Variants in CPEB1 observed in about 807,000 individuals in gnomAD.
CPEB1 encodes cytoplasmic polyadenylation element-binding protein 1.
CPEB1 carries 7 observed loss-of-function variants against 65.8 expected under a neutral mutation model. The ratio of observed to expected loss-of-function variants is 0.11; its 90% CI spans 0.06 to 0.20. The LOEUF is 0.20. Ranked by LOEUF, CPEB1 falls within the 10% of genes least tolerant of loss-of-function variation. The pLI, the probability that CPEB1 is intolerant of heterozygous loss-of-function variation, is 1.00. For synonymous variants in CPEB1, 262 were observed against 260.0 expected, an observed-to-expected ratio of 1.01 and a Z score of -0.08; for missense variants, 551 against 712.2, an observed-to-expected ratio of 0.77 and a Z score of 2.58.
chr15:82,616,635 C>T (rs2044742171), intron 3 of CPEB1, among the ~76,000 whole-genome samples: 1 of 151,652 alleles, frequency 6.6e-6, no homozygotes, highest in Admixed American at 6.6e-5. Flanking sequence ...CTCCACCTCC[C>T]GGGTTCAAGT....
rs762664847 is a variant in CPEB1, at chr15:82,557,861, G to A, written c.586C>T (p.Arg196Cys). 3 of 1,614,120 alleles carry A rather than the reference G, an allele frequency of 1.9e-6. No homozygotes were observed. Among genetic ancestry groups the A allele is most frequent in the Non-Finnish European group, 2.5e-6 (3 of 1,180,020 alleles). Residue 196 changes from arginine to cysteine, a missense_variant, in exon 5 of 13, where the codon CGC becomes TGC. By Grantham distance (180) the Arg-to-Cys change is radical. Coordinates refer to ENST00000684509, the MANE Select transcript of CPEB1 (RefSeq NM_001365242.1). ...TCCAGGATGGGCCGGGTGTCCAGGC[G>A]TGATCCTCTAACTGAGGGTGCTGGA... Reference protein sequence around the residue: ...KFPAPSVRGSRLDTRPILDSR... With the variant: ...KFPAPSVRGSCLDTRPILDSR...
chr15:82,627,350 C>G lies in CPEB1; in HGVS notation c.114G>C (p.Arg38Ser). ...CCTGGTTGTCCCAGCAATCTTTTAT[C>G]CTTCCTGCTTCTTCTTCCTAGACAC... ...LLIPLEEEAG[R>S]IKDCWDNQEA... Residue 38 changes from arginine (R) to serine (S), a missense_variant, in exon 3 of 13, where the codon AGG becomes AGC. Arg to Ser is a moderately radical substitution (Grantham distance 110, BLOSUM62 -1). This residue lies in a region of CPEB1 where 223 missense variants were observed against 228.6 expected (regional missense o/e 0.98). Transcript: ENST00000684509. The G allele has an allele frequency of 6.2e-7, 1 of 1,612,430 alleles. No homozygotes were observed. Among genetic ancestry groups the G allele is most frequent in the Non-Finnish European group, 8.5e-7 (1 of 1,179,288 alleles).
intron 4 of CPEB1, among the ~76,000 whole-genome samples, chr15:82,558,762 A>C (rs964496561): frequency 6.6e-6 from 1 of 152,222 alleles, no homozygotes; most frequent in African/African-American, 2.4e-5. Context: ...CCAGATGGAA[A>C]GAGCTCAGCA....
chr15:82,566,514 A>G (rs1004022141), intron 4 of CPEB1, among the ~76,000 whole-genome samples: 1 of 152,128 alleles, frequency 6.6e-6, no homozygotes, highest in Non-Finnish European at 1.5e-5. Flanking sequence ...ACTCTATACC[A>G]TATCTCTACT....
chr15:82,569,752 A>G (rs992402194), intron 4 of CPEB1, among the ~76,000 whole-genome samples: 43 of 152,222 alleles, frequency 2.8e-4, no homozygotes, highest in African/African-American at 1.0e-3. Flanking sequence ...AGAGCCAAAG[A>G]AGGGCTATAC....
intron 1 of CPEB1, among the ~76,000 whole-genome samples, chr15:82,644,123 A>G (rs956221427): frequency 6.6e-6 from 1 of 152,174 alleles, no homozygotes; most frequent in Non-Finnish European, 1.5e-5. Context: ...TCTGACATAC[A>G]TTGTGGAATG....
At chr15:82,593,223 T>C (rs899032226) in intron 3 of CPEB1, among the ~76,000 whole-genome samples, 1 of 152,230 alleles carries the variant, frequency 6.6e-6, no homozygotes, top group African/African-American at 2.4e-5. Context: ...TGCTGTTTGA[T>C]AACATTTTAC....
chr15:82,566,293 G>T (rs2151022235), intron 4 of CPEB1, among the ~76,000 whole-genome samples: 1 of 152,238 alleles, frequency 6.6e-6, no homozygotes, highest in Non-Finnish European at 1.5e-5. Flanking sequence ...TAGTCTAATG[G>T]GGGAAAAAAT....
chr15:82,633,295 C>A (rs1246375218), intron 1 of CPEB1: 3 of 152,198 alleles, frequency 2.0e-5, no homozygotes, highest in Non-Finnish European at 4.4e-5. Context: ...GATATAGACA[C>A]AAATACCCTC....
intron 4 of CPEB1, among the ~76,000 whole-genome samples, chr15:82,569,371 A>G (rs2039665131): frequency 6.6e-6 from 1 of 152,202 alleles, no homozygotes; most frequent in Admixed American, 6.5e-5. Flanking sequence ...AAACATACCC[A>G]CACTAACCTG....
At chr15:82,648,085 C>T, upstream of CPEB1, 1 of 375,908 alleles carries the variant, frequency 2.7e-6, no homozygotes, top group Non-Finnish European at 4.7e-6. Flanking sequence ...TCCGCCCCCT[C>T]GCGCCCCGCC....
chr15:82,625,300 C>T (rs1306251682), intron 3 of CPEB1, among the ~76,000 whole-genome samples: 1 of 152,062 alleles, frequency 6.6e-6, no homozygotes, highest in East Asian at 1.9e-4. Context: ...AAAACCACCC[C>T]CACCCCCAAG....
chr15:82,576,427 T>C (rs1336796847), intron 3 of CPEB1, among the ~76,000 whole-genome samples: 1 of 152,240 alleles, frequency 6.6e-6, no homozygotes, highest in Non-Finnish European at 1.5e-5. Flanking sequence ...TGCTCTTCAC[T>C]GCATATAAAT....
At chr15:82,625,875 T>C (rs377219635) in intron 3 of CPEB1, among the ~76,000 whole-genome samples, 84 of 152,248 alleles carry the variant, frequency 5.5e-4, no homozygotes, top group African/African-American at 2.0e-3. Context: ...TCCCAGCACT[T>C]TGGGAGGCCG....
chr15:82,614,652 A>G (rs1248266363), intron 3 of CPEB1, among the ~76,000 whole-genome samples: 2 of 152,166 alleles, frequency 1.3e-5, no homozygotes, highest in East Asian at 3.8e-4. Context: ...GTATTCATTA[A>G]GCAATTGTAT....
At chr15:82,595,088 C>A (rs2042572359) in intron 3 of CPEB1, among the ~76,000 whole-genome samples, 1 of 152,192 alleles carries the variant, frequency 6.6e-6, no homozygotes, top group African/African-American at 2.4e-5. Context: ...ATGGCACCAA[C>A]AGACTTGTTC....
At chr15:82,599,405 G>C (rs922337715) in intron 3 of CPEB1, among the ~76,000 whole-genome samples, 1 of 151,856 alleles carries the variant, frequency 6.6e-6, no homozygotes, top group African/African-American at 2.4e-5. Flanking sequence ...AATAAAGGCT[G>C]GCAAAGTTAT....
chr15:82,565,628 T>A (rs1019935647), intron 4 of CPEB1, among the ~76,000 whole-genome samples: 1 of 152,164 alleles, frequency 6.6e-6, no homozygotes, highest in African/African-American at 2.4e-5. Flanking sequence ...GCACACAACT[T>A]CATAATTCCA....
upstream of CPEB1, chr15:82,648,711 C>G (rs931111528): frequency 2.0e-5 from 3 of 152,532 alleles, no homozygotes; most frequent in African/African-American, 7.2e-5. Context: ...GGCGGAAGAT[C>G]AAGCAAAGGC....
Sources: gnomAD v4.1 joint callset for allele counts (sites outside exome capture counted in the v4.1 genomes callset) on GRCh38, gnomAD v4.1.1 for gene constraint, gnomAD v4.1.1 regional missense constraint, MANE v1.5 for transcripts, NCBI Gene and HGNC (gene_info 2026-07-23, HGNC 2026-07-21) for gene names.